PIP5K1C: variants seen among roughly 807,000 people sequenced by gnomAD.
PIP5K1C encodes the protein phosphatidylinositol-4-phosphate 5-kinase type 1 gamma, also known as phosphatidylinositol 4-phosphate 5-kinase type-1 gamma.
A neutral mutation model predicts 80.1 loss-of-function variants in PIP5K1C; 45 were observed. The observed-to-expected ratio is 0.56, with a 90% CI of 0.44 to 0.72. The LOEUF (loss-of-function observed/expected upper bound fraction) is 0.72. PIP5K1C is among the 30% of genes least tolerant of loss of function. The pLI, the probability that PIP5K1C is intolerant of heterozygous loss-of-function variation, is 0.00. For synonymous variants in PIP5K1C, 498 were observed against 420.1 expected (o/e 1.19, Z -2.27); for missense variants, 753 against 954.6 (o/e 0.79, Z 2.78).
intron 1 of PIP5K1C, among the ~76,000 whole-genome samples, chr19:3,683,561 C>A (rs1404681142): frequency 3.3e-5 from 5 of 152,254 alleles, no homozygotes; most frequent in African/African-American, 1.2e-4. Context: ...GGCACTATTA[C>A]TGCTCCCATT....
chr19:3,639,000 C>T lies in PIP5K1C; in HGVS notation c.1804G>A (p.Ala602Thr), dbSNP rs771927605. The part of the protein sequence containing the change: ...EEDAGVEASP[A>T]GASAAVEVET... ...ACTTCAACAGCAGCAGAGGCACCGG[C>T]CGGGGAAGCCTCCACCCTGGGGACA... Residue 602 changes from alanine (A) to threonine (T), a missense_variant, in exon 16 of 18, where the codon GCC (alanine) becomes ACC (threonine). This residue lies in a region of PIP5K1C where 315 missense variants were observed against 294.5 expected (regional missense o/e 1.07). Transcript: ENST00000335312. 8 of 1,611,354 alleles carry T rather than the reference C, an allele frequency of 5.0e-6. No homozygotes were observed. In the South Asian group the frequency reaches 8.8e-5, roughly 18 times the overall value.
At chr19:3,647,431 C>A in intron 9 of PIP5K1C, 45 bp from the exon 10 acceptor site, 5 of 1,526,778 alleles carry the variant, frequency 3.3e-6, no homozygotes, top group Non-Finnish European at 4.5e-6. Flanking sequence ...CAGCCAAGCC[C>A]ATGCCAGGCC....
rs936237537 is a variant in PIP5K1C at position 3,632,178 on chromosome 19, A to G, written c.*989T>C. The G allele has an allele frequency of 5.2e-5, 8 of 152,392 alleles. No homozygotes were observed. Among genetic ancestry groups the G allele is most frequent in the African/African-American group, 1.7e-4 (7 of 41,592 alleles). 9.4% of individuals were successfully genotyped at this position (152,392 alleles called of 1,614,324 possible). ...CAAGAAAGAGGCGGCGGACATCCACACCAGTCCTGAAGGAGACTCCTGTGG... is the reference window on the plus strand; with the variant it reads ...CAAGAAAGAGGCGGCGGACATCCACGCCAGTCCTGAAGGAGACTCCTGTGG... On this transcript the variant is annotated 3_prime_UTR_variant, in exon 18 of 18. Coordinates refer to ENST00000335312, the MANE Select transcript of PIP5K1C (RefSeq NM_012398.3).
At chr19:3,636,515 C>T in intron 16 of PIP5K1C, 1 of 985,584 alleles carries the variant, frequency 1.0e-6, no homozygotes, top group Non-Finnish European at 1.2e-6. Context: ...CTGCTCCCTG[C>T]CTATGGTGGG....
At chr19:3,639,097 AG>A in intron 15 of PIP5K1C, 81 bp from the exon 16 acceptor site, 1 of 1,517,286 alleles carries the variant, frequency 6.6e-7, no homozygotes. Context: ...GGACCCAGGC[AG>A]GGGCTTCATA....
At chr19:3,640,285 G>A (rs563661397) in intron 15 of PIP5K1C, among the ~76,000 whole-genome samples, 6 of 152,170 alleles carry the variant, frequency 3.9e-5, no homozygotes, top group Non-Finnish European at 8.8e-5. Context: ...AGGCCGAGGC[G>A]GGAGGATCAC....
At chr19:3,657,997 G>A (rs2034695347) in intron 5 of PIP5K1C, among the ~76,000 whole-genome samples, 1 of 152,160 alleles carries the variant, frequency 6.6e-6, no homozygotes, top group African/African-American at 2.4e-5. Context: ...AGGGGCTTGA[G>A]GCGTGAGTTG....
At chr19:3,679,193 G>A (rs2035511796) in intron 1 of PIP5K1C, among the ~76,000 whole-genome samples, 1 of 152,064 alleles carries the variant, frequency 6.6e-6, no homozygotes, top group African/African-American at 2.4e-5. Flanking sequence ...GAAGAAACAC[G>A]GTTTTTGAGG....
rs1037380978 is a variant in PIP5K1C, at chr19:3,656,627, T to G, written c.469-70A>C. ...ACACAGACAGCACTGGCTTCCGGTC[T>G]GCCCAACAGCCCCAGGAACTGATGA... On this transcript the variant is annotated intron_variant, in intron 5 of 17. Coordinates refer to ENST00000335312, the MANE Select transcript of PIP5K1C (RefSeq NM_012398.3). The G allele has an allele frequency of 9.0e-6, 14 of 1,556,030 alleles. No individual in the cohort carries two copies. In the African/African-American group the frequency reaches 1.8e-4, roughly 20 times the overall value.
At chr19:3,686,280 C>T (rs994845210) in intron 1 of PIP5K1C, among the ~76,000 whole-genome samples, 3 of 151,174 alleles carry the variant, frequency 2.0e-5, no homozygotes, top group Non-Finnish European at 2.9e-5. Flanking sequence ...ATTAGCCGGG[C>T]GTGGTGGCGG....
intron 1 of PIP5K1C, among the ~76,000 whole-genome samples, chr19:3,691,490 A>T (rs2035948536): frequency 1.3e-5 from 2 of 151,966 alleles, no homozygotes; most frequent in Admixed American, 1.3e-4. Flanking sequence ...CCCTGCCCTG[A>T]ATCACCCCAG....
chr19:3,643,450 G>A, intron 12 of PIP5K1C, 69 bp from the exon 13 acceptor site: 2 of 1,592,604 alleles, frequency 1.3e-6, no homozygotes, highest in Non-Finnish European at 1.7e-6. Context: ...GATTCTCCCT[G>A]AGGCTTGGCT....
At chr19:3,682,446 G>A (rs1215024461) in intron 1 of PIP5K1C, among the ~76,000 whole-genome samples, 2 of 151,508 alleles carry the variant, frequency 1.3e-5, no homozygotes, top group Admixed American at 6.6e-5. Context: ...CTTGGAGGCC[G>A]AGGTGGGAGG....
Position 3,637,932 on chromosome 19 carries a change from G to A in PIP5K1C, c.1920+952C>T. 1 of 1,535,260 alleles carries A rather than the reference G, an allele frequency of 6.5e-7. No individual in the cohort carries two copies. The highest frequency in any genetic ancestry group is 8.7e-7 in the Non-Finnish European group (1 of 1,146,706). On this transcript the variant is annotated intron_variant, in intron 16 of 17. Coordinates refer to ENST00000335312, the MANE Select transcript of PIP5K1C (RefSeq NM_012398.3). The surrounding 1 kb of genome is among the most constrained non-coding windows in gnomAD (Gnocchi z 7.0). The stretch of plus-strand genomic sequence containing the variant: ...GAAAAGGGGTGACGACGTGCGGTGG[G>A]TAGGGGCACAGGCACGCGGCCCGTC...
chr19:3,692,112 C>T lies in PIP5K1C; in HGVS notation c.94+8185G>A, dbSNP rs1006498046. Among the ~76,000 whole-genome samples, 7 of 152,210 alleles carry T rather than the reference C, an allele frequency of 4.6e-5. No individual in the cohort carries two copies. Among genetic ancestry groups the T allele is most frequent in the Admixed American group, 6.5e-5 (1 of 15,286 alleles). On this transcript the variant is annotated intron_variant, in intron 1 of 17. Coordinates refer to ENST00000335312, the MANE Select transcript of PIP5K1C (RefSeq NM_012398.3). This position sits in a 1 kb window ranked among gnomAD's most constrained non-coding sequence, Gnocchi z 5.2. ...CCTGGGCGCCCACCATGGGCAGGGC[C>T]GGCTCTGAGCCTTTTGTGTGCATTG...
intron 1 of PIP5K1C, among the ~76,000 whole-genome samples, chr19:3,687,723 G>C (rs1311959251): frequency 1.3e-5 from 2 of 152,164 alleles, no homozygotes; most frequent in Non-Finnish European, 2.9e-5. Context: ...ACGGTGGAGG[G>C]ACAGCCTGGG....
At chr19:3,699,106 G>A (rs1001694329) in intron 1 of PIP5K1C, among the ~76,000 whole-genome samples, 1 of 151,952 alleles carries the variant, frequency 6.6e-6, no homozygotes, top group Non-Finnish European at 1.5e-5. Context: ...GACCAGCTGG[G>A]GTCAGAGGGC....
rs949941841 is a variant in PIP5K1C, at chr19:3,636,390, C to G, written c.1920+2494G>C. 1.8e-5 allele frequency: 18 copies of G among 985,316 alleles called. No homozygotes were observed. In the African/African-American group the frequency reaches 3.1e-4, roughly 17 times the overall value. The allele number at this position is 985,316 out of a possible 1,614,324, so 61.0% of individuals were successfully genotyped here. ...GGCTGCCCTGCCTCCCTTCTGGCCCCCACACTTCCGCTTCTGCTGTGCCTG... is the reference window on the plus strand; with the variant it reads ...GGCTGCCCTGCCTCCCTTCTGGCCCGCACACTTCCGCTTCTGCTGTGCCTG... On this transcript the variant is annotated intron_variant, in intron 16 of 17. Transcript: ENST00000335312.
At position 3,644,081 on chromosome 19, in the gene PIP5K1C, C is replaced by T. The variant is rs1024479552; in HGVS notation, c.1510+6G>A. ...CCACAAGCGCACTCTGCCCTCTGCC[C>T]CTCACCTTCGTCCTCCAGCGTGGGG... On this transcript the variant is annotated splice_donor_region_variant and intron_variant, in intron 12 of 17. Coordinates refer to ENST00000335312, the MANE Select transcript of PIP5K1C (RefSeq NM_012398.3). 3.7e-6 allele frequency: 6 copies of T among 1,610,536 alleles called. No homozygotes were observed. Among genetic ancestry groups the T allele is most frequent in the South Asian group, 2.2e-5 (2 of 91,012 alleles).
Sources: allele counts gnomAD v4.1 joint callset (sites outside exome capture counted in the v4.1 genomes callset), GRCh38; gene constraint gnomAD v4.1.1; regional missense constraint gnomAD v4.1.1; non-coding constraint Gnocchi (gnomAD v3.1); transcripts MANE v1.5; gene names NCBI Gene and HGNC (gene_info 2026-07-23, HGNC 2026-07-21).